Variants in NR3C2 observed in about 807,000 individuals in gnomAD.
NR3C2 encodes the protein nuclear receptor subfamily 3 group C member 2, also known as mineralocorticoid receptor.
Under a neutral mutation model 86.4 loss-of-function variants are expected in NR3C2, and 15 were observed. The observed-to-expected ratio is 0.17, with a 90% CI of 0.12 to 0.27. The LOEUF (loss-of-function observed/expected upper bound fraction) is 0.27. Ranked by LOEUF, NR3C2 falls within the 10% of genes least tolerant of loss-of-function variation. NR3C2 has a pLI of 1.00. For missense variants in NR3C2, 960 were observed against 1,195.6 expected, an observed-to-expected ratio of 0.80 and a Z score of 2.91; for synonymous variants, 458 against 450.5, an observed-to-expected ratio of 1.02 and a Z score of -0.21.
At chr4:148,350,209 T>C (rs1411871643) in intron 2 of NR3C2, among the ~76,000 whole-genome samples, 1 of 152,170 alleles carries the variant, frequency 6.6e-6, no homozygotes, top group African/African-American at 2.4e-5. Context: ...TGTACCTAAT[T>C]ACAAAGTATA....
At chr4:148,323,012 A>G (rs1422906889) in intron 2 of NR3C2, among the ~76,000 whole-genome samples, 1 of 149,334 alleles carries the variant, frequency 6.7e-6, no homozygotes, top group Non-Finnish European at 1.5e-5. Context: ...TTGTGGTTTT[A>G]TCTACTTTTG....
At chr4:148,196,698 C>A (rs191988657) in intron 3 of NR3C2, among the ~76,000 whole-genome samples, 8 of 152,164 alleles carry the variant, frequency 5.3e-5, no homozygotes, top group Non-Finnish European at 8.8e-5. Flanking sequence ...TATAGTAAAT[C>A]TTAGTAATAA....
In NR3C2 at chr4:148,127,239, AT is replaced by A. The variant is rs1046670271; in HGVS notation, c.2511-6952del. 7.3e-5 allele frequency among the ~76,000 whole-genome samples: 11 copies of A among 151,444 alleles called. No individual in the cohort carries two copies. In the East Asian group the frequency reaches 7.7e-4, roughly 11 times the overall value. ...TGCACAATTTTTTGTGCAATTGTGC[AT>A]TTTTTTGCACAATTAAATTAAATGT... is the stretch of plus-strand genomic sequence containing the variant. On this transcript the variant is annotated intron_variant, in intron 6 of 8. Transcript: ENST00000358102.
intron 2 of NR3C2, among the ~76,000 whole-genome samples, chr4:148,331,190 G>GA (rs11362297): frequency 1.3e-5 from 2 of 151,440 alleles, no homozygotes; most frequent in South Asian, 2.1e-4. Context: ...AGTGCAAAAG[G>GA]AAAAAAAATA....
chr4:148,302,420 T>C (rs1268327797), intron 2 of NR3C2, among the ~76,000 whole-genome samples: 3 of 150,724 alleles, frequency 2.0e-5, no homozygotes, highest in Non-Finnish European at 3.0e-5. Context: ...GTGAACAAAA[T>C]GTGGAGCATG....
intron 2 of NR3C2, among the ~76,000 whole-genome samples, chr4:148,413,625 A>G (rs1194758954): frequency 1.3e-5 from 2 of 152,112 alleles, no homozygotes; most frequent in Non-Finnish European, 2.9e-5. Context: ...ACCTTTGACA[A>G]ATCAATAAAC....
At position 148,363,504 on chromosome 4, in the gene NR3C2, C is replaced by CTTTTTT. The variant is rs1375693723; in HGVS notation, c.1757+71599_1757+71600insAAAAAA. ...ATTAAAGTCTAGACTTCTCATAGAT[C>CTTTTTT]TCTTTTTTTTTTTTTTTGAGACGGA... is the stretch of plus-strand genomic sequence containing the variant. On this transcript the variant is annotated intron_variant, in intron 2 of 8. Coordinates refer to ENST00000358102, the MANE Select transcript of NR3C2 (RefSeq NM_000901.5). Among the ~76,000 whole-genome samples the CTTTTTT allele has an allele frequency of 3.8e-3, 266 of 69,784 alleles. 14 individuals carry two copies. In the South Asian group the frequency reaches 0.042, roughly 11 times the overall value. 45.8% of individuals were successfully genotyped at this position (69,784 alleles called of 152,430 possible). A position where few individuals can be genotyped will look rare whatever the true frequency, so the allele number is the denominator to read the frequency against.
chr4:148,288,233 CAAT>C (rs1436454746), intron 2 of NR3C2, among the ~76,000 whole-genome samples: 1 of 152,202 alleles, frequency 6.6e-6, no homozygotes, highest in African/African-American at 2.4e-5. Context: ...AAGATTGTGA[CAAT>C]AATACCTACC....
chr4:148,411,126 C>T (rs995262794), intron 2 of NR3C2, among the ~76,000 whole-genome samples: 3 of 151,854 alleles, frequency 2.0e-5, no homozygotes, highest in Admixed American at 1.3e-4. Context: ...CTGCCCGTCC[C>T]CCACCCGCCC....
At chr4:148,167,740 T>C (rs749816704) in intron 4 of NR3C2, among the ~76,000 whole-genome samples, 2 of 152,240 alleles carry the variant, frequency 1.3e-5, no homozygotes, top group Admixed American at 6.5e-5. Context: ...CTTTTCTTGA[T>C]GTGATAACCA....
chr4:148,399,379 TTATA>T (rs1233221680), intron 2 of NR3C2, among the ~76,000 whole-genome samples: 7 of 151,838 alleles, frequency 4.6e-5, no homozygotes, highest in Non-Finnish European at 1.0e-4. Flanking sequence ...TCTATATTAA[TTATA>T]TATAATACAC....
At chr4:148,433,318 T>C (rs1030408455) in intron 2 of NR3C2, among the ~76,000 whole-genome samples, 1 of 152,102 alleles carries the variant, frequency 6.6e-6, no homozygotes, top group African/African-American at 2.4e-5. Context: ...AAAGCATAAA[T>C]AGAACTGTAA....
chr4:148,142,697 T>C (rs906005091), intron 6 of NR3C2, among the ~76,000 whole-genome samples: 3 of 152,178 alleles, frequency 2.0e-5, no homozygotes, highest in Non-Finnish European at 4.4e-5. Context: ...GGTTTCACCA[T>C]GTTACCCAGG....
At chr4:148,324,413 TCATC>T (rs1341351244) in intron 2 of NR3C2, among the ~76,000 whole-genome samples, 5 of 151,488 alleles carry the variant, frequency 3.3e-5, no homozygotes, top group Admixed American at 2.6e-4. Flanking sequence ...CACATTTTCT[TCATC>T]CATTCATCCA....
At chr4:148,372,197 C>T (rs1746455614) in intron 2 of NR3C2, among the ~76,000 whole-genome samples, 1 of 152,002 alleles carries the variant, frequency 6.6e-6, no homozygotes, top group African/African-American at 2.4e-5. Flanking sequence ...TAAATATCAT[C>T]CTCTTTTCAT....
chr4:148,187,912 G>A (rs914547669), intron 4 of NR3C2, among the ~76,000 whole-genome samples: 1 of 152,106 alleles, frequency 6.6e-6, no homozygotes. Flanking sequence ...TGAGGGATGA[G>A]GATCCAGTTT....
chr4:148,236,495 T>C (rs1738756731), intron 3 of NR3C2, among the ~76,000 whole-genome samples: 1 of 151,854 alleles, frequency 6.6e-6, no homozygotes, highest in South Asian at 2.1e-4. Flanking sequence ...TAATATATAA[T>C]AAATAAAATA....
intron 3 of NR3C2, among the ~76,000 whole-genome samples, chr4:148,228,685 T>C (rs1397296754): frequency 1.3e-5 from 2 of 152,318 alleles, no homozygotes; most frequent in East Asian, 1.9e-4. Flanking sequence ...AACTGATTCA[T>C]GCATCCAAAT....
At chr4:148,346,185 G>C (rs758190096) in intron 2 of NR3C2, among the ~76,000 whole-genome samples, 2 of 152,102 alleles carry the variant, frequency 1.3e-5, no homozygotes, top group Non-Finnish European at 2.9e-5. Flanking sequence ...TAAGGCAATG[G>C]AAACTATGAA....
Sources: gnomAD v4.1 joint callset for allele counts (sites outside exome capture counted in the v4.1 genomes callset) on GRCh38, gnomAD v4.1.1 for gene constraint, MANE v1.5 for transcripts, NCBI Gene and HGNC (gene_info 2026-07-23, HGNC 2026-07-21) for gene names.